The following NLGN1 variants were observed in gnomAD, a reference collection of about 807,000 sequenced individuals.
NLGN1 encodes neuroligin 1, also known as neuroligin-1.
Under a neutral mutation model 65.5 loss-of-function variants are expected in NLGN1, and 12 were observed. That is an observed-to-expected ratio of 0.18 (90% CI 0.12 to 0.30). The LOEUF (loss-of-function observed/expected upper bound fraction) is 0.30, where lower values mean the gene tolerates loss of function less well. NLGN1 is among the 10% of genes least tolerant of loss of function. The pLI is 1.00. For synonymous variants in NLGN1, 350 were observed against 359.5 expected (o/e 0.97, Z 0.30); for missense variants, 750 against 1,007.1 (o/e 0.74, Z 3.46).
At chr3:173,504,061 C>A (rs1004676318) in intron 2 of NLGN1, among the ~76,000 whole-genome samples, 1 of 151,832 alleles carries the variant, frequency 6.6e-6, no homozygotes, top group African/African-American at 2.4e-5. Flanking sequence ...TCATAAACTG[C>A]CAATTAATCT....
chr3:173,843,246 C>G (rs1185553268), intron 4 of NLGN1, among the ~76,000 whole-genome samples: 4 of 152,208 alleles, frequency 2.6e-5, no homozygotes, highest in Non-Finnish European at 4.4e-5. Flanking sequence ...CCACTTTTTC[C>G]TCCTAGGCCT....
At chr3:173,550,636 CA>C (rs1274966631) in intron 2 of NLGN1, among the ~76,000 whole-genome samples, 3 of 31,726 alleles carry the variant, frequency 9.5e-5, no homozygotes, top group Non-Finnish European at 1.7e-4. Flanking sequence ...TTGTAACCTG[CA>C]ATGTCTTTTT....
chr3:174,118,181 G>A (rs1013441055), intron 4 of NLGN1, among the ~76,000 whole-genome samples: 23 of 152,202 alleles, frequency 1.5e-4, no homozygotes, highest in Admixed American at 1.2e-3. Context: ...AGTGGAATGG[G>A]CAGCAAGCAT....
At chr3:173,649,730 T>C (rs1758844266) in intron 3 of NLGN1, among the ~76,000 whole-genome samples, 1 of 152,044 alleles carries the variant, frequency 6.6e-6, no homozygotes, top group African/African-American at 2.4e-5. Context: ...TAGGATTGTA[T>C]CTATACTATT....
chr3:174,271,273 G>T (rs1042356704), intron 4 of NLGN1, among the ~76,000 whole-genome samples: 28 of 149,676 alleles, frequency 1.9e-4, no homozygotes, highest in Non-Finnish European at 7.4e-5. Context: ...TGACATTCTA[G>T]ATGTCATCTC....
At chr3:173,560,827 A>C (rs889339282) in intron 2 of NLGN1, among the ~76,000 whole-genome samples, 19 of 152,224 alleles carry the variant, frequency 1.2e-4, no homozygotes, top group Admixed American at 1.1e-3. Context: ...TCAGTACTAG[A>C]GAAGTTCTTC....
At chr3:173,947,339 C>G (rs1321675019) in intron 4 of NLGN1, among the ~76,000 whole-genome samples, 1 of 152,026 alleles carries the variant, frequency 6.6e-6, no homozygotes, top group Non-Finnish European at 1.5e-5. Flanking sequence ...TAGGATTAAT[C>G]AAGTCTTAAC....
At chr3:173,575,010 A>G (rs1344720726) in intron 2 of NLGN1, among the ~76,000 whole-genome samples, 2 of 152,052 alleles carry the variant, frequency 1.3e-5, no homozygotes, top group Non-Finnish European at 2.9e-5. Flanking sequence ...TCAGTCTCTC[A>G]AGTTGCTAGA....
At chr3:174,284,829 A>G (rs1751933428) in exon 7 of NLGN1, 1 of 151,444 alleles carries the variant, frequency 6.6e-6, no homozygotes, top group Non-Finnish European at 1.5e-5. Context: ...AAATCTGAGT[A>G]TATATTATTT....
chr3:173,429,104 A>C (rs147069692), intron 1 of NLGN1, among the ~76,000 whole-genome samples: 2,151 of 150,934 alleles, frequency 0.014, 36 homozygotes, highest in Non-Finnish European at 0.019. Context: ...CTATTTCTCA[A>C]CTCCCTCCTG....
At chr3:174,040,443 G>A (rs1161325753) in intron 4 of NLGN1, among the ~76,000 whole-genome samples, 1 of 152,108 alleles carries the variant, frequency 6.6e-6, no homozygotes, top group South Asian at 2.1e-4. Flanking sequence ...GAAGGGGAAT[G>A]TAGGCAAAAT....
chr3:174,038,031 G>A (rs147986685), intron 4 of NLGN1, among the ~76,000 whole-genome samples: 16 of 152,224 alleles, frequency 1.1e-4, no homozygotes, highest in African/African-American at 2.4e-4. Flanking sequence ...AAATACATTC[G>A]CAAATATGGA....
At chr3:174,146,262 T>G (rs1209661467) in intron 4 of NLGN1, among the ~76,000 whole-genome samples, 1 of 152,132 alleles carries the variant, frequency 6.6e-6, no homozygotes, top group Non-Finnish European at 1.5e-5. Flanking sequence ...AATCATCATG[T>G]TGTACACTTT....
chr3:173,747,067 C>T (rs752272106), intron 3 of NLGN1, among the ~76,000 whole-genome samples: 8,892 of 136,584 alleles, frequency 0.065, 520 homozygotes, highest in East Asian at 0.093. Flanking sequence ...TATACACACA[C>T]ACACACACAC....
chr3:173,564,446 T>C (rs1743306812), intron 2 of NLGN1, among the ~76,000 whole-genome samples: 1 of 152,252 alleles, frequency 6.6e-6, no homozygotes, highest in South Asian at 2.1e-4. Flanking sequence ...CTCAGTAATA[T>C]TTCCAGTTCT....
intron 4 of NLGN1, among the ~76,000 whole-genome samples, chr3:174,108,138 T>C (rs887699224): frequency 4.6e-5 from 7 of 152,148 alleles, no homozygotes; most frequent in Non-Finnish European, 5.9e-5. Context: ...TTTTTTAAAA[T>C]TTTGATAAAT....
chr3:174,004,655 A>C (rs1723996341), intron 4 of NLGN1, among the ~76,000 whole-genome samples: 2 of 152,154 alleles, frequency 1.3e-5, no homozygotes, highest in South Asian at 4.1e-4. Flanking sequence ...TTATTTTCTG[A>C]ATGCAAAGAT....
intron 4 of NLGN1, among the ~76,000 whole-genome samples, chr3:174,202,433 G>A (rs1348423624): frequency 6.6e-6 from 1 of 151,422 alleles, no homozygotes; most frequent in Non-Finnish European, 1.5e-5. Context: ...CTTTATTCCT[G>A]AGCGTCAGGG....
chr3:173,984,172 GAA>G (rs1719392602), intron 4 of NLGN1, among the ~76,000 whole-genome samples: 1 of 152,194 alleles, frequency 6.6e-6, no homozygotes, highest in Non-Finnish European at 1.5e-5. Flanking sequence ...GGTATATCAA[GAA>G]ACCCTGTGAC....
Sources: gnomAD v4.1 joint callset for allele counts (sites outside exome capture counted in the v4.1 genomes callset) on GRCh38, gnomAD v4.1.1 for gene constraint, MANE v1.5 for transcripts, NCBI Gene and HGNC (gene_info 2026-07-23, HGNC 2026-07-21) for gene names.